The following PRMT5 variants were observed in gnomAD, a reference collection of about 807,000 sequenced individuals.
The protein encoded by PRMT5 is protein arginine N-methyltransferase 5.
A neutral mutation model predicts 84.0 loss-of-function variants in PRMT5; 15 were observed. The observed-to-expected ratio is 0.18, with a 90% CI of 0.12 to 0.28. The LOEUF (loss-of-function observed/expected upper bound fraction) is 0.28. Among genes scored for constraint, PRMT5 ranks in the 10% least tolerant of loss-of-function variants. The pLI is 1.00. For missense variants in PRMT5, 486 were observed against 808.0 expected, an observed-to-expected ratio of 0.60 and a Z score of 4.83; for synonymous variants, 276 against 292.4, an observed-to-expected ratio of 0.94 and a Z score of 0.57.
Position 22,926,676 on chromosome 14 carries a change from T to C in PRMT5, c.563+26A>G, listed in dbSNP as rs769349803. Reference sequence around the variant, plus strand: ...TCCCCTCACCCTATCCCTTGCACCCTGGTACAGCAGCAAAGGGAGACATAC... The same window carrying C: ...TCCCCTCACCCTATCCCTTGCACCCCGGTACAGCAGCAAAGGGAGACATAC... On this transcript the variant is annotated intron_variant, in intron 5 of 16. Coordinates refer to ENST00000324366, the MANE Select transcript of PRMT5 (RefSeq NM_006109.5). The C allele has an allele frequency of 2.6e-5, 41 of 1,607,486 alleles. No individual in the cohort carries two copies. In the South Asian group the frequency reaches 3.6e-4, roughly 14 times the overall value.
intron 7 of PRMT5, 94 bp downstream of exon 7, chr14:22,926,037 GAA>G (rs543300826): frequency 2.7e-5 from 36 of 1,329,050 alleles, no homozygotes; most frequent in African/African-American, 4.4e-5. Flanking sequence ...AGAAACCAAA[GAA>G]AAAGAGTCAG....
intron 3 of PRMT5, 35 bp from the exon 4 acceptor site, chr14:22,927,695 A>G (rs1179126377): frequency 6.3e-7 from 1 of 1,581,542 alleles, no homozygotes; most frequent in Non-Finnish European, 8.6e-7. Flanking sequence ...GTTTGAGCTA[A>G]CAAGCAAACA....
chr14:22,928,938 C>T lies in PRMT5; in HGVS notation c.110+314G>A, dbSNP rs909793044. ...GCCCCAGTTCTGCCCATGCCTCCCCCGTCAAAATTAGCCTCTTCTCTCCCT... is the reference window on the plus strand; with the variant it reads ...GCCCCAGTTCTGCCCATGCCTCCCCTGTCAAAATTAGCCTCTTCTCTCCCT... On this transcript the variant is annotated intron_variant, in intron 1 of 16. Coordinates refer to ENST00000324366, the MANE Select transcript of PRMT5 (RefSeq NM_006109.5). This position sits in a 1 kb window ranked among gnomAD's most constrained non-coding sequence, Gnocchi z 4.8. 3.2e-6 allele frequency: 2 copies of T among 616,584 alleles called. No individual in the cohort carries two copies. The highest frequency in any genetic ancestry group is 3.0e-5 in the Admixed American group (1 of 33,282). 38.2% of individuals were successfully genotyped at this position (616,584 alleles called of 1,614,324 possible). A position where few individuals can be genotyped will look rare whatever the true frequency, so the allele number is the denominator to read the frequency against.
At chr14:22,926,065 C>T (rs895424244) in intron 7 of PRMT5, 68 bp downstream of exon 7, 28 of 1,422,948 alleles carry the variant, frequency 2.0e-5, no homozygotes, top group Middle Eastern at 2.1e-4. Context: ...CAGGAAAAAA[C>T]GATCATACAC....
At chr14:22,921,455 C>T (rs888395909) in intron 16 of PRMT5, among the ~76,000 whole-genome samples, 12 of 152,178 alleles carry the variant, frequency 7.9e-5, no homozygotes, top group Non-Finnish European at 1.5e-4. Flanking sequence ...AAGGCTGAAG[C>T]AGTGTAAGCA....
In PRMT5 at chr14:22,922,807, C is replaced by T. The variant is rs761228628; in HGVS notation, c.1514G>A (p.Arg505Gln). The change falls in exon 14 of 17, where the codon CGG becomes CAG. Residue 505 changes from arginine (R) to glutamine (Q), a missense_variant. Physicochemically the swap from Arg to Gln is conservative, Grantham distance 43. Transcript: ENST00000324366. ...AGAGAGCTGGTGGAAGTTGTGCAGC[C>T]GTACCACATAAGGCATCTCAAACTG... is the stretch of plus-strand genomic sequence containing the variant. Reference protein sequence around the residue: ...EAQFEMPYVVRLHNFHQLSAP... With the variant: ...EAQFEMPYVVQLHNFHQLSAP... 1.2e-6 allele frequency: 2 copies of T among 1,613,754 alleles called. No homozygotes were observed. Among genetic ancestry groups the T allele is most frequent in the Non-Finnish European group, 1.7e-6 (2 of 1,179,918 alleles).
Position 22,920,833 on chromosome 14 carries a change from A to G in PRMT5, c.*71T>C. On this transcript the variant is annotated 3_prime_UTR_variant, in exon 17 of 17. Transcript: ENST00000324366. The stretch of plus-strand genomic sequence containing the variant: ...AAGGGGAATCACAGCCCATAGATGT[A>G]CTGCACCTTCTGTACTACAGGAGCA... 1 of 1,589,970 alleles carries G rather than the reference A, an allele frequency of 6.3e-7. No homozygotes were observed. The highest frequency in any genetic ancestry group is 8.6e-7 in the Non-Finnish European group (1 of 1,158,496).
At chr14:22,927,063 G>A (rs1005341842) in intron 4 of PRMT5, among the ~76,000 whole-genome samples, 4 of 151,684 alleles carry the variant, frequency 2.6e-5, no homozygotes, top group African/African-American at 9.7e-5. Flanking sequence ...ACTTTTAGAT[G>A]GAGAGGTGCG....
chr14:22,924,628 G>A lies in PRMT5; in HGVS notation c.1017+4C>T. 1 of 1,613,906 alleles carries A rather than the reference G, an allele frequency of 6.2e-7. No individual in the cohort carries two copies. Among genetic ancestry groups the A allele is most frequent in the South Asian group, 1.1e-5 (1 of 91,058 alleles). ...CTTTCCTCACCCTGGGCACCACACA[G>A]TACCTGCTGGTACTGAGAGTATTTG... On this transcript the variant is annotated splice_donor_region_variant and intron_variant, in intron 9 of 16. Transcript: ENST00000324366. The surrounding 1 kb of genome is among the most constrained non-coding windows in gnomAD (Gnocchi z 6.5).
At chr14:22,929,050 G>A in intron 1 of PRMT5, 1 of 1,311,416 alleles carries the variant, frequency 7.6e-7, no homozygotes, top group Non-Finnish European at 1.1e-6. Flanking sequence ...TCCCAACTTT[G>A]GGACTCAGTG....
intron 16 of PRMT5, 27 bp downstream of exon 16, chr14:22,922,137 GTTACTGCTTAAC>G: frequency 6.7e-7 from 1 of 1,498,480 alleles, no homozygotes; most frequent in Non-Finnish European, 9.3e-7. Context: ...AAAGGCAAAG[GTTACTGCTTAAC>G]TAGAGAGTCT....
At chr14:22,927,302 A>G (rs8006409) in intron 4 of PRMT5, among the ~76,000 whole-genome samples, 85,858 of 151,624 alleles carry the variant, frequency 0.57, 25,197 homozygotes, top group East Asian at 0.79. Flanking sequence ...TACAGACAGG[A>G]TTTCACCACG....
intron 3 of PRMT5, 104 bp from the exon 4 acceptor site, chr14:22,927,764 G>GT: frequency 7.3e-7 from 1 of 1,361,260 alleles, no homozygotes; most frequent in South Asian, 1.4e-5. Flanking sequence ...CTGGAGTGCA[G>GT]TGGCACAGTC....
At position 22,923,623 on chromosome 14, in the gene PRMT5, C is replaced by T. The variant is rs1475970207; in HGVS notation, c.1375+385G>A. Among the ~76,000 whole-genome samples, 3 of 152,066 alleles carry T rather than the reference C, an allele frequency of 2.0e-5. No homozygotes were observed. The highest frequency in any genetic ancestry group is 3.9e-4 in the East Asian group (2 of 5,184). ...TCTCCTCCCAGGTTCAAGTGATTCT[C>T]GCGCCTCAGCCTCCCGAGTAGCTGG... On this transcript the variant is annotated intron_variant, in intron 12 of 16. Coordinates refer to ENST00000324366, the MANE Select transcript of PRMT5 (RefSeq NM_006109.5). This position sits in a 1 kb window ranked among gnomAD's most constrained non-coding sequence, Gnocchi z 5.2.
Position 22,928,970 on chromosome 14 carries a change from CT to C in PRMT5, c.110+281del, listed in dbSNP as rs1313948643. 1.5e-6 allele frequency: 1 copy of C among 683,552 alleles called. No individual in the cohort carries two copies. The highest frequency in any genetic ancestry group is 2.4e-6 in the Non-Finnish European group (1 of 410,668). 42.3% of individuals were successfully genotyped at this position (683,552 alleles called of 1,614,324 possible). A position where few individuals can be genotyped will look rare whatever the true frequency, so the allele number is the denominator to read the frequency against. On this transcript the variant is annotated intron_variant, in intron 1 of 16. Coordinates refer to ENST00000324366, the MANE Select transcript of PRMT5 (RefSeq NM_006109.5). The surrounding 1 kb of genome is among the most constrained non-coding windows in gnomAD (Gnocchi z 4.8). ...ATTAGCCTCTTCTCTCCCTTGCCCC[CT>C]AACACCTCCTCCCACTCCCAGACAA...
In PRMT5 at chr14:22,928,329, A is replaced by G. The variant is rs751958721; in HGVS notation, c.230-118T>C. 2.4e-6 allele frequency: 3 copies of G among 1,234,602 alleles called. No homozygotes were observed. Among genetic ancestry groups the G allele is most frequent in the African/African-American group, 3.0e-5 (2 of 66,586 alleles). 76.5% of individuals were successfully genotyped at this position (1,234,602 alleles called of 1,614,324 possible). A position where few individuals can be genotyped will look rare whatever the true frequency, so the allele number is the denominator to read the frequency against. On this transcript the variant is annotated intron_variant, in intron 2 of 16. Transcript: ENST00000324366. The surrounding 1 kb of genome is among the most constrained non-coding windows in gnomAD (Gnocchi z 4.8). ...AGAGACAAAGGTTTTTTCTACATAG[A>G]CATGGGATAGCCTGATGCAGAATAG...
chr14:22,923,136 T>A lies in PRMT5; in HGVS notation c.1400A>T (p.Glu467Val). The change falls in exon 13 of 17, where the codon GAG (glutamate) becomes GTG (valine). Residue 467 changes from glutamate (E) to valine (V), a missense_variant. Physicochemically the swap from Glu to Val is moderately radical, Grantham distance 121. Around this residue, in one of 4 missense-constraint regions of PRMT5, gnomAD observed 219 missense variants for 433.6 expected, o/e 0.51. Transcript: ENST00000324366. The surrounding 1 kb of genome is among the most constrained non-coding windows in gnomAD (Gnocchi z 5.2). ...LKDDGVSIPG[E>V]YTSFLAPISS... ...GATGGGAGCCAGAAAGGAAGTGTAC[T>A]CCCCGGGGATGCTCACACCATCATC... 1 of 1,612,684 alleles carries A rather than the reference T, an allele frequency of 6.2e-7. No individual in the cohort carries two copies. Among genetic ancestry groups the A allele is most frequent in the South Asian group, 1.1e-5 (1 of 90,926 alleles).
chr14:22,926,735 T>C lies in PRMT5; in HGVS notation c.530A>G (p.Glu177Gly), dbSNP rs757377478. Reference sequence around the variant, plus strand: ...CGTTTTCTCCTCCCCACTGTACTCCTCTGTGTGTGTAGTTGGTGCATTCTC... The same window carrying C: ...CGTTTTCTCCTCCCCACTGTACTCCCCTGTGTGTGTAGTTGGTGCATTCTC... Reference protein sequence around the residue: ...IIENAPTTHTEEYSGEEKTWM... With the variant: ...IIENAPTTHTGEYSGEEKTWM... Residue 177 changes from glutamate to glycine, a missense_variant, in exon 5 of 17, where the codon GAG becomes GGG. Glu to Gly is a moderately conservative substitution (Grantham distance 98). Transcript: ENST00000324366. The C allele has an allele frequency of 6.2e-7, 1 of 1,614,180 alleles. No individual in the cohort carries two copies. Among genetic ancestry groups the C allele is most frequent in the Non-Finnish European group, 8.5e-7 (1 of 1,180,008 alleles).
chr14:22,920,600 C>G lies in PRMT5; in HGVS notation c.*304G>C. On this transcript the variant is annotated 3_prime_UTR_variant, in exon 17 of 17. Transcript: ENST00000324366. ...CCATCAAAACAAGAACAGAAAAAGGCTGAAAATCCGTTCAAACCCCATGTT... is the reference window on the plus strand; with the variant it reads ...CCATCAAAACAAGAACAGAAAAAGGGTGAAAATCCGTTCAAACCCCATGTT... 1.7e-6 allele frequency: 1 copy of G among 588,426 alleles called. No individual in the cohort carries two copies. Among genetic ancestry groups the G allele is most frequent in the Non-Finnish European group, 3.3e-6 (1 of 304,410 alleles). The allele number at this position is 588,426 out of a possible 1,614,324, so 36.5% of individuals were successfully genotyped here.
Sources: gnomAD v4.1 joint callset for allele counts (sites outside exome capture counted in the v4.1 genomes callset) on GRCh38, gnomAD v4.1.1 for gene constraint, gnomAD v4.1.1 regional missense constraint, Gnocchi (gnomAD v3.1) non-coding constraint, MANE v1.5 for transcripts, NCBI Gene and HGNC (gene_info 2026-07-23, HGNC 2026-07-21) for gene names.